GSTA2: variants seen among roughly 807,000 people sequenced by gnomAD.
GSTA2 encodes glutathione S-transferase A2.
A neutral mutation model predicts 22.4 loss-of-function variants in GSTA2; 27 were observed. The ratio of observed to expected loss-of-function variants is 1.21; its 90% CI spans 0.89 to 1.67. GSTA2 has a LOEUF of 1.67. Ranked by LOEUF, GSTA2 falls within the 40% of genes most tolerant of loss-of-function variation. The probability of loss-of-function intolerance (pLI) is 0.00; values close to 1 mark genes in which losing one functional copy is unlikely to be tolerated. For missense variants in GSTA2, 302 were observed against 260.2 expected, an observed-to-expected ratio of 1.16 and a Z score of -1.11; for synonymous variants, 121 against 86.8, an observed-to-expected ratio of 1.39 and a Z score of -2.19.
In GSTA2 at chr6:52,755,140, A is replaced by G. The variant is rs1406479852; in HGVS notation, c.140-65T>C. ...GAAACCCACCATTTCAGGATGAAAA[A>G]AAATGGTTGTTGAAATGACTAAATT... On this transcript the variant is annotated intron_variant, in intron 3 of 6. Coordinates refer to ENST00000493422, the MANE Select transcript of GSTA2 (RefSeq NM_000846.5). 6 of 1,587,412 alleles carry G rather than the reference A, an allele frequency of 3.8e-6. No homozygotes were observed. In the Admixed American group the frequency reaches 9.0e-5, roughly 24 times the overall value.
In GSTA2 at chr6:52,751,620, T is replaced by G. The variant is rs776964583; in HGVS notation, c.503A>C (p.Glu168Ala). 2.5e-6 allele frequency: 4 copies of G among 1,614,112 alleles called. No individual in the cohort carries two copies. The highest frequency in any genetic ancestry group is 3.4e-6 in the Non-Finnish European group (4 of 1,180,004). The change falls in exon 6 of 7, where the codon GAA becomes GCA. Residue 168 changes from glutamate to alanine, a missense_variant. Coordinates refer to ENST00000493422, the MANE Select transcript of GSTA2 (RefSeq NM_000846.5). ...IHLVELLYYV[E>A]ELDSSLISSF... ...GGAAATAAGGCTAGAGTCAAGCTCT[T>G]CCACGTAGTAGAGAAGTTCCACCAG...
intron 6 of GSTA2, among the ~76,000 whole-genome samples, chr6:52,751,242 T>C (rs1203275220): frequency 6.6e-6 from 1 of 152,062 alleles, no homozygotes; most frequent in Non-Finnish European, 1.5e-5. Flanking sequence ...ACTGACTCAA[T>C]GTGGGCACAT....
intron 1 of GSTA2, among the ~76,000 whole-genome samples, chr6:52,762,207 TG>T: frequency 6.6e-6 from 1 of 152,162 alleles, no homozygotes; most frequent in East Asian, 1.9e-4. Context: ...TATGGCCTCG[TG>T]GGAAGGGAAA....
intron 1 of GSTA2, among the ~76,000 whole-genome samples, chr6:52,758,783 G>A (rs927332882): frequency 6.6e-6 from 1 of 152,214 alleles, no homozygotes; most frequent in African/African-American, 2.4e-5. Context: ...AAGAAGAGAT[G>A]TTGCTGCATT....
intron 1 of GSTA2, among the ~76,000 whole-genome samples, chr6:52,760,704 A>G (rs1762937690): frequency 6.6e-6 from 1 of 152,086 alleles, no homozygotes; most frequent in Admixed American, 6.6e-5. Flanking sequence ...TTCCTATTCA[A>G]TGTATATTAG....
chr6:52,754,661 C>T (rs970597217), intron 4 of GSTA2, among the ~76,000 whole-genome samples: 1 of 152,132 alleles, frequency 6.6e-6, no homozygotes, highest in Non-Finnish European at 1.5e-5. Context: ...AACATGATTC[C>T]CCATCCTCCT....
At chr6:52,752,328 A>G (rs1762759356) in intron 5 of GSTA2, among the ~76,000 whole-genome samples, 1 of 152,194 alleles carries the variant, frequency 6.6e-6, no homozygotes, top group African/African-American at 2.4e-5. Context: ...AACTGCTCTG[A>G]TGTCTGCAAC....
chr6:52,752,951 A>T lies in GSTA2; in HGVS notation c.317T>A (p.Ile106Asn). Residue 106 changes from isoleucine (I) to asparagine (N), a missense_variant, in exon 5 of 7, where the codon ATC becomes AAC. Transcript: ENST00000493422. ...IEGIADLGEMILLLPFSQPEE... is the reference protein window; with the variant it reads ...IEGIADLGEMNLLLPFSQPEE... ...AGGTTGACTAAAGGGCAGAAGAAGGATCATTTCACCCAAATCTGCTATACC... is the reference window on the plus strand; with the variant it reads ...AGGTTGACTAAAGGGCAGAAGAAGGTTCATTTCACCCAAATCTGCTATACC... 6.2e-7 allele frequency: 1 copy of T among 1,613,788 alleles called. No individual in the cohort carries two copies. The highest frequency in any genetic ancestry group is 8.5e-7 in the Non-Finnish European group (1 of 1,179,696).
At chr6:52,755,176 A>G in intron 3 of GSTA2, 101 bp from the exon 4 acceptor site, 2 of 1,509,190 alleles carry the variant, frequency 1.3e-6, no homozygotes, top group Non-Finnish European at 1.8e-6. Flanking sequence ...TGTAAAACGA[A>G]AAAGAAATTA....
At chr6:52,761,315 C>G (rs1433958528) in intron 1 of GSTA2, among the ~76,000 whole-genome samples, 1 of 152,148 alleles carries the variant, frequency 6.6e-6, no homozygotes, top group East Asian at 1.9e-4. Context: ...AACCAACAAT[C>G]TATGTACATG....
intron 3 of GSTA2, 145 bp from the exon 4 acceptor site, chr6:52,755,220 T>TC: frequency 9.2e-7 from 1 of 1,084,878 alleles, no homozygotes; most frequent in Non-Finnish European, 1.3e-6. Context: ...AACAACTTTT[T>TC]TTTTTTTTTT....
At position 52,752,945 on chromosome 6, in the gene GSTA2, A is replaced by G; in HGVS notation, c.323T>C (p.Leu108Pro). Reference sequence around the variant, plus strand: ...TTCCTCAGGTTGACTAAAGGGCAGAAGAAGGATCATTTCACCCAAATCTGC... The same window carrying G: ...TTCCTCAGGTTGACTAAAGGGCAGAGGAAGGATCATTTCACCCAAATCTGC... The part of the protein sequence containing the change: ...GIADLGEMIL[L>P]LPFSQPEEQD... Residue 108 changes from leucine to proline, a missense_variant, in exon 5 of 7, where the codon CTT (leucine) becomes CCT (proline). Coordinates refer to ENST00000493422, the MANE Select transcript of GSTA2 (RefSeq NM_000846.5). The G allele has an allele frequency of 2.5e-6, 4 of 1,613,906 alleles. No homozygotes were observed. Among genetic ancestry groups the G allele is most frequent in the South Asian group, 1.1e-5 (1 of 91,056 alleles).
chr6:52,750,565 A>G lies in GSTA2; in HGVS notation c.*12T>C, dbSNP rs775071431. 1 of 1,613,372 alleles carries G rather than the reference A, an allele frequency of 6.2e-7. No individual in the cohort carries two copies. The highest frequency in any genetic ancestry group is 2.2e-5 in the East Asian group (1 of 44,884). On this transcript the variant is annotated 3_prime_UTR_variant, in exon 7 of 7. Transcript: ENST00000493422. ...CTGGTCTTGCATGTTCTTGACCTCT[A>G]TGGCTGGTTTATTAAAACCTGAAAA... is the stretch of plus-strand genomic sequence containing the variant.
chr6:52,755,490 T>C (rs1326163277), intron 3 of GSTA2, among the ~76,000 whole-genome samples: 1 of 152,182 alleles, frequency 6.6e-6, no homozygotes, highest in Non-Finnish European at 1.5e-5. Context: ...GGATTACAGG[T>C]GTAAGCCACT....
chr6:52,754,352 G>A (rs1762801063), intron 4 of GSTA2, among the ~76,000 whole-genome samples: 1 of 152,176 alleles, frequency 6.6e-6, no homozygotes, highest in African/African-American at 2.4e-5. Context: ...CAACAACAAG[G>A]AGACCCCTTG....
chr6:52,760,034 T>G (rs1164691492), intron 1 of GSTA2, among the ~76,000 whole-genome samples: 1 of 152,256 alleles, frequency 6.6e-6, no homozygotes, highest in Non-Finnish European at 1.5e-5. Context: ...TCACCTGTTT[T>G]GTAATTAGAT....
intron 2 of GSTA2, 86 bp from the exon 3 acceptor site, chr6:52,756,395 T>C (rs1310814232): frequency 9.9e-5 from 107 of 1,080,214 alleles, no homozygotes; most frequent in Non-Finnish European, 9.0e-5. Flanking sequence ...TGGTGCATCA[T>C]TTGGAGAATA....
intron 2 of GSTA2, among the ~76,000 whole-genome samples, chr6:52,756,616 T>C (rs544780159): frequency 6.6e-6 from 1 of 152,356 alleles, no homozygotes; most frequent in South Asian, 2.1e-4. Flanking sequence ...GCAGTTCTTC[T>C]AGTTATGGTG....
At chr6:52,752,673 A>G (rs1042720378) in intron 5 of GSTA2, among the ~76,000 whole-genome samples, 181 bp downstream of exon 5, 1 of 152,232 alleles carries the variant, frequency 6.6e-6, no homozygotes, top group Non-Finnish European at 1.5e-5. Context: ...TAGCTTGGGT[A>G]TAAGTGATAC....
Sources: gnomAD v4.1 joint callset for allele counts (sites outside exome capture counted in the v4.1 genomes callset) on GRCh38, gnomAD v4.1.1 for gene constraint, MANE v1.5 for transcripts, NCBI Gene and HGNC (gene_info 2026-07-23, HGNC 2026-07-21) for gene names.